DCAF12: variants seen among roughly 807,000 people sequenced by gnomAD.
DCAF12 encodes the protein DDB1- and CUL4-associated factor 12.
Under a neutral mutation model 52.8 loss-of-function variants are expected in DCAF12, and 28 were observed. The ratio of observed to expected loss-of-function variants is 0.53; its 90% CI spans 0.39 to 0.73. DCAF12 has a LOEUF of 0.73. DCAF12 is among the 30% of genes least tolerant of loss of function. The pLI is 0.00. For missense variants in DCAF12, 425 were observed against 552.2 expected (o/e 0.77, Z 2.31); for synonymous variants, 196 against 215.5 (o/e 0.91, Z 0.79).
At chr9:34,118,335 T>C (rs1829118275) in intron 2 of DCAF12, among the ~76,000 whole-genome samples, 1 of 152,274 alleles carries the variant, frequency 6.6e-6, no homozygotes, top group Admixed American at 6.5e-5. Flanking sequence ...GATTTCATCA[T>C]GTTGGCCGGG....
chr9:34,103,208 A>G (rs1465576425), intron 4 of DCAF12, among the ~76,000 whole-genome samples: 1 of 151,034 alleles, frequency 6.6e-6, no homozygotes, highest in Non-Finnish European at 1.5e-5. Flanking sequence ...TCAGGAGTTC[A>G]AGACCAACCT....
At chr9:34,106,043 C>T (rs138517549) in intron 4 of DCAF12, among the ~76,000 whole-genome samples, 93 of 151,644 alleles carry the variant, frequency 6.1e-4, no homozygotes, top group Admixed American at 1.5e-3. Flanking sequence ...CCACCACACC[C>T]GGCCTATATT....
chr9:34,107,232 A>T (rs1828917093), intron 3 of DCAF12, 127 bp downstream of exon 3: 1 of 898,546 alleles, frequency 1.1e-6, no homozygotes, highest in South Asian at 1.5e-5. Flanking sequence ...CCCTTTATCA[A>T]ATATACACTG....
rs990651128 is a variant in DCAF12, at chr9:34,095,071, G to A, written c.862-1623C>T. ...ATTGTGTTGGTGCTCAAAAAGTTTTGGACTTTGGAGGCTTTTTTTTTTGAG... is the reference window on the plus strand; with the variant it reads ...ATTGTGTTGGTGCTCAAAAAGTTTTAGACTTTGGAGGCTTTTTTTTTTGAG... On this transcript the variant is annotated intron_variant, in intron 6 of 8. Coordinates refer to ENST00000361264, the MANE Select transcript of DCAF12 (RefSeq NM_015397.4). Among the ~76,000 whole-genome samples the A allele has an allele frequency of 2.1e-5, 3 of 141,464 alleles. No homozygotes were observed. The Admixed American group carries it at 2.2e-4, about 10-fold the overall frequency. The allele number at this position is 141,464 out of a possible 152,430, so 92.8% of individuals were successfully genotyped here.
Position 34,098,368 on chromosome 9 carries a change from C to T in DCAF12, c.751G>A (p.Asp251Asn). The part of the protein sequence containing the change: ...KDIPKEDTNP[D>N]NCKVRALAFN... ...GCCAGAGCCCGAACCTTGCAGTTGTCAGGGTTTGTGTCTTCTTTGGGGATG... is the reference window on the plus strand; with the variant it reads ...GCCAGAGCCCGAACCTTGCAGTTGTTAGGGTTTGTGTCTTCTTTGGGGATG... Residue 251 changes from aspartate (D) to asparagine (N), a missense_variant, in exon 5 of 9, where the codon GAC becomes AAC. Around this residue, in one of 3 missense-constraint regions of DCAF12, gnomAD observed 328 missense variants for 444.4 expected, o/e 0.74. Coordinates refer to ENST00000361264, the MANE Select transcript of DCAF12 (RefSeq NM_015397.4). The T allele has an allele frequency of 6.2e-7, 1 of 1,614,222 alleles. No individual in the cohort carries two copies. Among genetic ancestry groups the T allele is most frequent in the Admixed American group, 1.7e-5 (1 of 60,018 alleles).
intron 4 of DCAF12, among the ~76,000 whole-genome samples, chr9:34,104,023 C>T (rs1828868813): frequency 6.6e-6 from 1 of 152,128 alleles, no homozygotes; most frequent in Non-Finnish European, 1.5e-5. Context: ...AATTCCAGCA[C>T]TTTGGGAGGC....
intron 6 of DCAF12, 127 bp downstream of exon 6, chr9:34,096,589 G>T: frequency 2.3e-6 from 2 of 871,638 alleles, no homozygotes; most frequent in African/African-American, 1.7e-5. Flanking sequence ...GGGCATCAGA[G>T]CGAGACTCTG....
chr9:34,099,155 C>A (rs1279642159), intron 4 of DCAF12, among the ~76,000 whole-genome samples: 1 of 151,212 alleles, frequency 6.6e-6, no homozygotes, highest in African/African-American at 2.4e-5. Context: ...GCAACCTCGG[C>A]CTCCTGGGTT....
intron 2 of DCAF12, among the ~76,000 whole-genome samples, chr9:34,118,685 C>T (rs1320233341): frequency 6.6e-6 from 1 of 152,034 alleles, no homozygotes; most frequent in African/African-American, 2.4e-5. Flanking sequence ...ATAATATGGC[C>T]GGGCGTGGTG....
chr9:34,093,258 G>A lies in DCAF12; in HGVS notation c.1024+28C>T, dbSNP rs202171409. On this transcript the variant is annotated intron_variant, in intron 7 of 8. Transcript: ENST00000361264. ...AGAACCCATATGCAGTGCAGCTGTAGGCCTGAGGTGCACACAGGGACTCTT... is the reference window on the plus strand; with the variant it reads ...AGAACCCATATGCAGTGCAGCTGTAAGCCTGAGGTGCACACAGGGACTCTT... The A allele has an allele frequency of 4.2e-3, 6,836 of 1,613,380 alleles. 18 individuals are homozygous for A. The highest frequency in any genetic ancestry group is 5.0e-3 in the Non-Finnish European group (5,943 of 1,179,484).
At chr9:34,104,776 G>C (rs565425637) in intron 4 of DCAF12, among the ~76,000 whole-genome samples, 8 of 151,912 alleles carry the variant, frequency 5.3e-5, no homozygotes, top group Admixed American at 4.6e-4. Context: ...AATTAGCCAG[G>C]CGTGGTGGTG....
At position 34,089,282 on chromosome 9, in the gene DCAF12, C is replaced by G. The variant is rs1015023628; in HGVS notation, c.1203+130G>C. 3 of 1,082,708 alleles carry G rather than the reference C, an allele frequency of 2.8e-6. No homozygotes were observed. In the African/African-American group the frequency reaches 4.8e-5, roughly 17 times the overall value. 67.1% of individuals were successfully genotyped at this position (1,082,708 alleles called of 1,614,324 possible). Reference sequence around the variant, plus strand: ...AAAGCAAAATCGGGGGAAGTCTTTTCCTGTTCCAATGAGTGCCTCTTACTA... The same window carrying G: ...AAAGCAAAATCGGGGGAAGTCTTTTGCTGTTCCAATGAGTGCCTCTTACTA... On this transcript the variant is annotated intron_variant, in intron 8 of 8. Coordinates refer to ENST00000361264, the MANE Select transcript of DCAF12 (RefSeq NM_015397.4).
intron 2 of DCAF12, among the ~76,000 whole-genome samples, chr9:34,116,296 G>A (rs1829087253): frequency 1.3e-5 from 2 of 152,048 alleles, no homozygotes; most frequent in Admixed American, 6.6e-5. Context: ...GGGGCAGGCT[G>A]CAGAGATCGC....
intron 2 of DCAF12, among the ~76,000 whole-genome samples, chr9:34,121,222 T>C (rs1829169998): frequency 6.6e-6 from 1 of 152,120 alleles, no homozygotes; most frequent in African/African-American, 2.4e-5. Context: ...AAACATCCCC[T>C]TAACCTGGCT....
intron 2 of DCAF12, chr9:34,109,954 G>A (rs765691331): frequency 2.3e-5 from 5 of 215,112 alleles, no homozygotes; most frequent in Non-Finnish European, 4.0e-5. Context: ...CACCTTGGGT[G>A]GGGGCATTAC....
chr9:34,125,590 G>A (rs1043341055), intron 1 of DCAF12: 17 of 495,872 alleles, frequency 3.4e-5, no homozygotes, highest in Non-Finnish European at 7.0e-5. Context: ...ATGAGAGGTA[G>A]AGTGATTCCC....
intron 7 of DCAF12, among the ~76,000 whole-genome samples, chr9:34,090,771 C>T (rs1447466960): frequency 4.0e-5 from 6 of 151,750 alleles, no homozygotes; most frequent in Non-Finnish European, 5.9e-5. Flanking sequence ...TCTCCTGCCT[C>T]AGCCTCCCAA....
intron 6 of DCAF12, among the ~76,000 whole-genome samples, chr9:34,095,113 T>C (rs569816844): frequency 6.6e-6 from 1 of 151,756 alleles, no homozygotes; most frequent in Non-Finnish European, 1.5e-5. Context: ...TCTTGCTCTG[T>C]TGCCAGGCTG....
At position 34,126,614 on chromosome 9, in the gene DCAF12, G is replaced by C. The variant is rs968221296; in HGVS notation, c.-183C>G. The C allele has an allele frequency of 3.0e-6, 2 of 668,426 alleles. No homozygotes were observed. The highest frequency in any genetic ancestry group is 5.8e-5 in the East Asian group (2 of 34,450). 41.4% of individuals were successfully genotyped at this position (668,426 alleles called of 1,614,324 possible). On this transcript the variant is annotated 5_prime_UTR_variant, in exon 1 of 9. Coordinates refer to ENST00000361264, the MANE Select transcript of DCAF12 (RefSeq NM_015397.4). ...CGGAAAGAAAGGAAAGAGAGAGGAA[G>C]GACTTGAGCCGGGAAAGGGAAGGGG...
Sources: allele counts gnomAD v4.1 joint callset (sites outside exome capture counted in the v4.1 genomes callset), GRCh38; gene constraint gnomAD v4.1.1; regional missense constraint gnomAD v4.1.1; transcripts MANE v1.5; gene names NCBI Gene and HGNC (gene_info 2026-07-23, HGNC 2026-07-21).